Variants in FAM184B observed in about 807,000 individuals in gnomAD.
FAM184B encodes family with sequence similarity 184 member B.
A neutral mutation model predicts 135.9 loss-of-function variants in FAM184B; 111 were observed. The ratio of observed to expected loss-of-function variants is 0.82; its 90% CI spans 0.70 to 0.96. FAM184B has a LOEUF of 0.96. FAM184B is among the 40% of genes least tolerant of loss of function. The pLI is 0.00. For missense variants in FAM184B, 1,375 were observed against 1,323.9 expected (o/e 1.04, Z -0.60); for synonymous variants, 552 against 524.8 (o/e 1.05, Z -0.71).
rs569008757 is a variant in FAM184B at position 17,654,471 on chromosome 4, C to G, written c.2038-1488G>C. On this transcript the variant is annotated intron_variant, in intron 10 of 17. Transcript: ENST00000265018. ...GTGTTGAGATTGCAGGCATGAGCCA[C>G]CACGCCCCAGCACCCGCCCCTGCTG... is the stretch of plus-strand genomic sequence containing the variant. 1.9e-3 allele frequency among the ~76,000 whole-genome samples: 283 copies of G among 152,304 alleles called. 1 individual carries two copies. Among genetic ancestry groups the G allele is most frequent in the Non-Finnish European group, 3.7e-3 (252 of 68,034 alleles).
At chr4:17,651,503 A>C (rs1171514498) in intron 11 of FAM184B, among the ~76,000 whole-genome samples, 2 of 125,346 alleles carry the variant, frequency 1.6e-5, no homozygotes, top group Non-Finnish European at 3.1e-5. Context: ...ATGCCACTGC[A>C]CTCCAGCCTG....
chr4:17,699,914 C>T (rs2108961687), intron 5 of FAM184B, among the ~76,000 whole-genome samples: 1 of 152,072 alleles, frequency 6.6e-6, no homozygotes, highest in East Asian at 1.9e-4. Flanking sequence ...AACTATTGTA[C>T]AAAGAACACA....
chr4:17,669,245 G>A (rs1203225770), intron 7 of FAM184B, among the ~76,000 whole-genome samples: 1 of 152,124 alleles, frequency 6.6e-6, no homozygotes, highest in African/African-American at 2.4e-5. Context: ...AGGTCCTCCT[G>A]TGCCTCCTAG....
chr4:17,706,867 C>A (rs1437004449), intron 3 of FAM184B, among the ~76,000 whole-genome samples: 1 of 151,940 alleles, frequency 6.6e-6, no homozygotes, highest in Admixed American at 6.6e-5. Context: ...CTCACTGCAA[C>A]CTCTGCCTCC....
intron 1 of FAM184B, among the ~76,000 whole-genome samples, chr4:17,755,224 T>TA (rs1196106176): frequency 6.6e-6 from 1 of 152,072 alleles, no homozygotes; most frequent in Non-Finnish European, 1.5e-5. Flanking sequence ...AATTTATCTT[T>TA]AAAAAACAGC....
chr4:17,728,932 G>A (rs1305805083), intron 1 of FAM184B, among the ~76,000 whole-genome samples: 1 of 152,160 alleles, frequency 6.6e-6, no homozygotes, highest in African/African-American at 2.4e-5. Context: ...CCATGCGCGA[G>A]CTGAAGCAGG....
intron 6 of FAM184B, among the ~76,000 whole-genome samples, chr4:17,688,843 C>T (rs1039994870): frequency 1.3e-5 from 2 of 151,998 alleles, no homozygotes; most frequent in African/African-American, 4.8e-5. Flanking sequence ...AGGTATGCAC[C>T]ACCACGCCCA....
chr4:17,781,201 C>T lies in FAM184B; in HGVS notation c.99G>A (p.Gln33=). 1.3e-6 allele frequency: 2 copies of T among 1,550,580 alleles called. No individual in the cohort carries two copies. The highest frequency in any genetic ancestry group is 1.7e-6 in the Non-Finnish European group (2 of 1,146,522). The change falls in exon 1 of 18, where the codon CAG becomes CAA. Residue 33 remains glutamine, a synonymous_variant. Transcript: ENST00000265018. The surrounding 1 kb of genome is among the most constrained non-coding windows in gnomAD (Gnocchi z 6.5). ...TCTTCTTGCACATTTTCACGTGCAT[C>T]TGGGGATCACAGTCCATTCTCCAGC... is the stretch of plus-strand genomic sequence containing the variant. ...GAGWRMDCDP[Q]MHVKMCKKIA...
Position 17,659,563 on chromosome 4 carries a change from T to C in FAM184B, c.1824+395A>G, listed in dbSNP as rs375463104. ...GTGCAGCGGTGCGATCTCGGCTCAC[T>C]ATAACCTCTGCCTCCCAGGTTCAAG... On this transcript the variant is annotated intron_variant, in intron 9 of 17. Coordinates refer to ENST00000265018, the MANE Select transcript of FAM184B (RefSeq NM_015688.2). Among the ~76,000 whole-genome samples, 8 of 151,826 alleles carry C rather than the reference T, an allele frequency of 5.3e-5. No homozygotes were observed. The East Asian group carries it at 1.2e-3, about 22-fold the overall frequency.
At chr4:17,638,134 C>CTTTTTTTTTTTTTTT (rs56926847) in intron 14 of FAM184B, among the ~76,000 whole-genome samples, 4 of 73,408 alleles carry the variant, frequency 5.4e-5, no homozygotes, top group East Asian at 4.3e-4. Context: ...TAACTGTTTG[C>CTTTTTTTTTTTTTTT]TTTTTTTTTT....
At chr4:17,673,396 C>A (rs13144986) in intron 7 of FAM184B, among the ~76,000 whole-genome samples, 39,048 of 152,092 alleles carry the variant, frequency 0.26, 6,551 homozygotes, top group Non-Finnish European at 0.37. Context: ...ACCGTTTGAT[C>A]CAGCAATCCC....
intron 11 of FAM184B, 145 bp downstream of exon 11, chr4:17,652,685 G>T: frequency 1.0e-6 from 1 of 953,990 alleles, no homozygotes; most frequent in African/African-American, 1.7e-5. Context: ...GAGCCCTGGA[G>T]CCCTGGCCTG....
chr4:17,781,482 G>A lies in FAM184B; in HGVS notation c.-183C>T. On this transcript the variant is annotated 5_prime_UTR_variant, in exon 1 of 18. Coordinates refer to ENST00000265018, the MANE Select transcript of FAM184B (RefSeq NM_015688.2). The surrounding 1 kb of genome is among the most constrained non-coding windows in gnomAD (Gnocchi z 6.5). ...GTCTCCGCCTCCCGGGCCCACCCGC[G>A]CGCCCACCCTTTTTCCTCTCCTGCT... 1 of 692,282 alleles carries A rather than the reference G, an allele frequency of 1.4e-6. No individual in the cohort carries two copies. Among genetic ancestry groups the A allele is most frequent in the Non-Finnish European group, 2.2e-6 (1 of 461,174 alleles). The allele number at this position is 692,282 out of a possible 1,614,324, so 42.9% of individuals were successfully genotyped here.
intron 9 of FAM184B, 51 bp from the exon 10 acceptor site, chr4:17,658,613 A>G: frequency 6.6e-7 from 1 of 1,515,022 alleles, no homozygotes; most frequent in Non-Finnish European, 8.9e-7. Flanking sequence ...CTTTCCTGGG[A>G]TGTTTTCTTC....
At chr4:17,636,733 C>T in intron 14 of FAM184B, 88 bp from the exon 15 acceptor site, 1 of 1,146,844 alleles carries the variant, frequency 8.7e-7, no homozygotes, top group Non-Finnish European at 1.2e-6. Flanking sequence ...GGAATGCCAT[C>T]CTGTGTTCAG....
Position 17,707,792 on chromosome 4 carries a change from G to T in FAM184B, c.895-8C>A. ...AAGCTGCACATCCAGGTCCTAAACAGACAGGAAGGGTCCCATTTCTCTGGT... is the reference window on the plus strand; with the variant it reads ...AAGCTGCACATCCAGGTCCTAAACATACAGGAAGGGTCCCATTTCTCTGGT... On this transcript the variant is annotated splice_polypyrimidine_tract_variant and splice_region_variant and intron_variant, in intron 2 of 17. Coordinates refer to ENST00000265018, the MANE Select transcript of FAM184B (RefSeq NM_015688.2). The T allele has an allele frequency of 1.3e-6, 2 of 1,551,894 alleles. No homozygotes were observed. Among genetic ancestry groups the T allele is most frequent in the Non-Finnish European group, 8.7e-7 (1 of 1,147,036 alleles).
chr4:17,776,951 T>C (rs1454279175), intron 1 of FAM184B, among the ~76,000 whole-genome samples: 1 of 152,162 alleles, frequency 6.6e-6, no homozygotes, highest in East Asian at 1.9e-4. Context: ...GTACAGTCAC[T>C]TCGCAAAACA....
intron 7 of FAM184B, among the ~76,000 whole-genome samples, chr4:17,667,050 C>G (rs373000840): frequency 2.0e-5 from 3 of 151,932 alleles, no homozygotes; most frequent in Non-Finnish European, 4.4e-5. Flanking sequence ...CCTCGACTTC[C>G]GAGGCTCAAG....
intron 5 of FAM184B, among the ~76,000 whole-genome samples, chr4:17,699,470 A>G (rs1716936629): frequency 6.6e-6 from 1 of 152,130 alleles, no homozygotes; most frequent in African/African-American, 2.4e-5. Flanking sequence ...GAAGAAATAT[A>G]CTATGCACAA....
Sources: gnomAD v4.1 joint callset for allele counts (sites outside exome capture counted in the v4.1 genomes callset) on GRCh38, gnomAD v4.1.1 for gene constraint, Gnocchi (gnomAD v3.1) non-coding constraint, MANE v1.5 for transcripts, NCBI Gene and HGNC (gene_info 2026-07-23, HGNC 2026-07-21) for gene names.